KCNQ1: variants seen among roughly 807,000 people sequenced by gnomAD.
KCNQ1 encodes the protein potassium voltage-gated channel subfamily Q member 1.
In KCNQ1, 49 loss-of-function variants were observed where a neutral mutation model predicts 72.4. The ratio of observed to expected loss-of-function variants is 0.68; its 90% CI spans 0.54 to 0.86. KCNQ1 has a LOEUF of 0.86. KCNQ1 is among the 40% of genes least tolerant of loss of function. The pLI is 0.00. For missense variants in KCNQ1, 790 were observed against 945.1 expected (o/e 0.84, Z 2.15); for synonymous variants, 450 against 412.6 (o/e 1.09, Z -1.10).
intron 2 of KCNQ1, among the ~76,000 whole-genome samples, chr11:2,548,084 G>T (rs1847925413): frequency 6.6e-6 from 1 of 152,184 alleles, no homozygotes; most frequent in Non-Finnish European, 1.5e-5. Flanking sequence ...CTGGGGCCTG[G>T]CATGGTGTGA....
chr11:2,765,852 A>G (rs891199432), intron 11 of KCNQ1, among the ~76,000 whole-genome samples: 8 of 152,100 alleles, frequency 5.3e-5, no homozygotes, highest in Non-Finnish European at 8.8e-5. Context: ...AAGTGGATTT[A>G]TATAGTTGTT....
chr11:2,813,841 G>T lies in KCNQ1; in HGVS notation c.1795-33926G>T, dbSNP rs75270583. On this transcript the variant is annotated intron_variant, in intron 15 of 15. Transcript: ENST00000155840. This position sits in a 1 kb window ranked among gnomAD's most constrained non-coding sequence, Gnocchi z 4.4. ...GTGTGAGTGAGTGGCGGATGAGTAG[G>T]TAGATGGACGGGGAGCTGCAGGGAG... Among the ~76,000 whole-genome samples, 2,962 of 152,190 alleles carry T rather than the reference G, an allele frequency of 0.019. 101 individuals carry two copies. The highest frequency in any genetic ancestry group is 0.067 in the African/African-American group (2,779 of 41,500).
In KCNQ1 at chr11:2,676,350, G is replaced by T. The variant is rs1217457951; in HGVS notation, c.1514+14269G>T. The stretch of plus-strand genomic sequence containing the variant: ...TGTAGTTGAAGTGCTGTTTTCTCAT[G>T]GTTGGGCTTCCAGTATAATTGGAAG... On this transcript the variant is annotated intron_variant, in intron 11 of 15. Transcript: ENST00000155840. This position sits in a 1 kb window ranked among gnomAD's most constrained non-coding sequence, Gnocchi z 4.2. The T allele has an allele frequency of 4.3e-5, 17 of 398,516 alleles. No homozygotes were observed. The Admixed American group carries it at 7.0e-4, about 17-fold the overall frequency. 24.7% of individuals were successfully genotyped at this position (398,516 alleles called of 1,614,324 possible). A position where few individuals can be genotyped will look rare whatever the true frequency, so the allele number is the denominator to read the frequency against.
Position 2,690,868 on chromosome 11 carries a change from A to G in KCNQ1, c.1514+28787A>G, listed in dbSNP as rs1336968183. On this transcript the variant is annotated intron_variant, in intron 11 of 15. Coordinates refer to ENST00000155840, the MANE Select transcript of KCNQ1 (RefSeq NM_000218.3). This position sits in a 1 kb window ranked among gnomAD's most constrained non-coding sequence, Gnocchi z 5.1. ...TAGGAACAGGTACCTTTAGGGACAC[A>G]GGAGTGTAAGCCACTGTTTCCGTCT... is the stretch of plus-strand genomic sequence containing the variant. The G allele has an allele frequency of 2.5e-6, 1 of 398,512 alleles. No homozygotes were observed. The highest frequency in any genetic ancestry group is 4.4e-6 in the Non-Finnish European group (1 of 226,080). The allele number at this position is 398,512 out of a possible 1,614,324, so 24.7% of individuals were successfully genotyped here. A position where few individuals can be genotyped will look rare whatever the true frequency, so the allele number is the denominator to read the frequency against.
At chr11:2,846,975 A>G (rs1848342366) in intron 15 of KCNQ1, among the ~76,000 whole-genome samples, 2 of 152,240 alleles carry the variant, frequency 1.3e-5, no homozygotes, top group South Asian at 4.1e-4. Flanking sequence ...ATGGCTAGCC[A>G]GAGGGCACGC....
chr11:2,497,281 C>T lies in KCNQ1; in HGVS notation c.387-30647C>T, dbSNP rs1405829711. Among the ~76,000 whole-genome samples, 2 of 152,134 alleles carry T rather than the reference C, an allele frequency of 1.3e-5. No individual in the cohort carries two copies. The highest frequency in any genetic ancestry group is 6.5e-5 in the Admixed American group (1 of 15,270). On this transcript the variant is annotated intron_variant, in intron 1 of 15. Transcript: ENST00000155840. This position sits in a 1 kb window ranked among gnomAD's most constrained non-coding sequence, Gnocchi z 4.5. ...GTGTTTTCCAACTTGGTTCCATTCT[C>T]CCCGTCACTTTCAGGTACAGCAATC... is the stretch of plus-strand genomic sequence containing the variant.
Position 2,498,204 on chromosome 11 carries a change from T to G in KCNQ1, c.387-29724T>G, listed in dbSNP as rs934704762. ...CCTTAGCAGAGCTCATGCACTGTGC[T>G]GCGAGAATCCCCCTTGTCAGGATCA... On this transcript the variant is annotated intron_variant, in intron 1 of 15. Transcript: ENST00000155840. This position sits in a 1 kb window ranked among gnomAD's most constrained non-coding sequence, Gnocchi z 4.8. 5.6e-4 allele frequency among the ~76,000 whole-genome samples: 85 copies of G among 152,320 alleles called. No homozygotes were observed. Among genetic ancestry groups the G allele is most frequent in the Non-Finnish European group, 4.0e-4 (27 of 68,010 alleles).
At position 2,764,350 on chromosome 11, in the gene KCNQ1, C is replaced by T. The variant is rs1019187933; in HGVS notation, c.1515-4494C>T. On this transcript the variant is annotated intron_variant, in intron 11 of 15. Coordinates refer to ENST00000155840, the MANE Select transcript of KCNQ1 (RefSeq NM_000218.3). The surrounding 1 kb of genome is among the most constrained non-coding windows in gnomAD (Gnocchi z 4.8). ...CTTATTCTGTTGATGTGAAGAGTGA[C>T]GCTGCTTGGTCCTTAGAGGGTAAAC... Among the ~76,000 whole-genome samples, 13 of 152,104 alleles carry T rather than the reference C, an allele frequency of 8.5e-5. 1 individual carries two copies. The highest frequency in any genetic ancestry group is 3.3e-4 in the Admixed American group (5 of 15,268).
At chr11:2,760,411 A>C (rs1025684959) in intron 11 of KCNQ1, among the ~76,000 whole-genome samples, 9 of 152,228 alleles carry the variant, frequency 5.9e-5, no homozygotes, top group Non-Finnish European at 1.2e-4. Flanking sequence ...TTAATGAATG[A>C]ACAGGTGAGA....
rs1589963080 is a variant in KCNQ1 at position 2,579,936 on chromosome 11, C to T, written c.922-3499C>T. Among the ~76,000 whole-genome samples, 2 of 152,188 alleles carry T rather than the reference C, an allele frequency of 1.3e-5. No individual in the cohort carries two copies. Among genetic ancestry groups the T allele is most frequent in the Admixed American group, 1.3e-4 (2 of 15,284 alleles). Reference sequence around the variant, plus strand: ...ACCTGCTCACCTGACCCCAACTCCACTCTGACTTCCAGGCCAGCCCCACTC... The same window carrying T: ...ACCTGCTCACCTGACCCCAACTCCATTCTGACTTCCAGGCCAGCCCCACTC... On this transcript the variant is annotated intron_variant, in intron 6 of 15. Coordinates refer to ENST00000155840, the MANE Select transcript of KCNQ1 (RefSeq NM_000218.3). The surrounding 1 kb of genome is among the most constrained non-coding windows in gnomAD (Gnocchi z 6.0).
intron 10 of KCNQ1, among the ~76,000 whole-genome samples, chr11:2,607,911 T>C (rs578230211): frequency 2.8e-4 from 43 of 152,342 alleles, no homozygotes; most frequent in Middle Eastern, 3.4e-3. Context: ...TCACAGTTAT[T>C]GTAATGAAAT....
intron 1 of KCNQ1, among the ~76,000 whole-genome samples, chr11:2,523,801 G>C (rs1380849971): frequency 6.8e-6 from 1 of 146,388 alleles, no homozygotes; most frequent in Non-Finnish European, 1.5e-5. Context: ...CCTGGGCCTG[G>C]AGGCTGCAGG....
At chr11:2,605,747 G>A (rs1340186109) in intron 10 of KCNQ1, among the ~76,000 whole-genome samples, 1 of 152,120 alleles carries the variant, frequency 6.6e-6, no homozygotes, top group African/African-American at 2.4e-5. Flanking sequence ...TTTCAAAATT[G>A]TTGCTATTCT....
chr11:2,663,550 T>C lies in KCNQ1; in HGVS notation c.1514+1469T>C, dbSNP rs144058901. The C allele has an allele frequency of 2.9e-3, 1,162 of 398,658 alleles. 7 individuals are homozygous for C. Among genetic ancestry groups the C allele is most frequent in the Non-Finnish European group, 2.9e-3 (645 of 226,098 alleles). 24.7% of individuals were successfully genotyped at this position (398,658 alleles called of 1,614,324 possible). A position where few individuals can be genotyped will look rare whatever the true frequency, so the allele number is the denominator to read the frequency against. On this transcript the variant is annotated intron_variant, in intron 11 of 15. Coordinates refer to ENST00000155840, the MANE Select transcript of KCNQ1 (RefSeq NM_000218.3). This position sits in a 1 kb window ranked among gnomAD's most constrained non-coding sequence, Gnocchi z 5.2. Reference sequence around the variant, plus strand: ...CCCTCAGAGAGGGGACTGTCCCTTCTCATCCTTCTGGCTGCTTGCTTCTCC... The same window carrying C: ...CCCTCAGAGAGGGGACTGTCCCTTCCCATCCTTCTGGCTGCTTGCTTCTCC...
rs778557790 is a variant in KCNQ1 at position 2,608,369 on chromosome 11, A to G, written c.1393+19515A>G. 4.0e-5 allele frequency: 16 copies of G among 398,332 alleles called. No homozygotes were observed. The highest frequency in any genetic ancestry group is 7.1e-5 in the Non-Finnish European group (16 of 226,032). The allele number at this position is 398,332 out of a possible 1,614,324, so 24.7% of individuals were successfully genotyped here. On this transcript the variant is annotated intron_variant, in intron 10 of 15. Transcript: ENST00000155840. This position sits in a 1 kb window ranked among gnomAD's most constrained non-coding sequence, Gnocchi z 4.6. The stretch of plus-strand genomic sequence containing the variant: ...TTTTCATCTTTCTAGGAATTTGTCA[A>G]TTTCATCTAAGTTTTATAATTTATT...
intron 11 of KCNQ1, among the ~76,000 whole-genome samples, chr11:2,761,406 A>G (rs1364856553): frequency 6.6e-6 from 1 of 152,004 alleles, no homozygotes; most frequent in African/African-American, 2.4e-5. Context: ...CTGCCCACTA[A>G]GGTCTCGAGA....
chr11:2,534,674 G>T, intron 2 of KCNQ1, among the ~76,000 whole-genome samples: 1 of 152,204 alleles, frequency 6.6e-6, no homozygotes, highest in African/African-American at 2.4e-5. Context: ...TCCCTCTGTG[G>T]GCCTGTGGGC....
Position 2,627,219 on chromosome 11 carries a change from C to T in KCNQ1, c.1394-34742C>T. The T allele has an allele frequency of 2.5e-6, 1 of 398,434 alleles. No homozygotes were observed. The highest frequency in any genetic ancestry group is 4.4e-5 in the Admixed American group (1 of 22,714). 24.7% of individuals were successfully genotyped at this position (398,434 alleles called of 1,614,324 possible). ...AGGTATAATTGACAAATTAAAAGTGCATATATTTAAGAACATATTTGACCT... is the reference window on the plus strand; with the variant it reads ...AGGTATAATTGACAAATTAAAAGTGTATATATTTAAGAACATATTTGACCT... On this transcript the variant is annotated intron_variant, in intron 10 of 15. Coordinates refer to ENST00000155840, the MANE Select transcript of KCNQ1 (RefSeq NM_000218.3). This position sits in a 1 kb window ranked among gnomAD's most constrained non-coding sequence, Gnocchi z 4.9.
chr11:2,816,345 C>T lies in KCNQ1; in HGVS notation c.1795-31422C>T, dbSNP rs554569678. On this transcript the variant is annotated intron_variant, in intron 15 of 15. Transcript: ENST00000155840. This position sits in a 1 kb window ranked among gnomAD's most constrained non-coding sequence, Gnocchi z 6.8. Reference sequence around the variant, plus strand: ...TGTTGGGGAGAGGGGCCTCCAGCGCCGTGGGGGAGAATTTCAAGAGCCTTT... The same window carrying T: ...TGTTGGGGAGAGGGGCCTCCAGCGCTGTGGGGGAGAATTTCAAGAGCCTTT... Among the ~76,000 whole-genome samples, 16 of 152,268 alleles carry T rather than the reference C, an allele frequency of 1.1e-4. No individual in the cohort carries two copies. The highest frequency in any genetic ancestry group is 2.1e-4 in the South Asian group (1 of 4,824).
Sources: allele counts gnomAD v4.1 joint callset (sites outside exome capture counted in the v4.1 genomes callset), GRCh38; gene constraint gnomAD v4.1.1; non-coding constraint Gnocchi (gnomAD v3.1); transcripts MANE v1.5; gene names NCBI Gene and HGNC (gene_info 2026-07-23, HGNC 2026-07-21).